The following KDM4C variants were observed in gnomAD, a reference collection of about 807,000 sequenced individuals.
KDM4C encodes lysine demethylase 4C, also known as lysine-specific demethylase 4C.
In KDM4C, 81 loss-of-function variants were observed where a neutral mutation model predicts 129.3. The observed-to-expected ratio is 0.63, with a 90% CI of 0.52 to 0.75. KDM4C has a LOEUF of 0.75. Among genes scored for constraint, KDM4C ranks in the 30% least tolerant of loss-of-function variants. KDM4C has a pLI of 0.00. For missense variants in KDM4C, 1,457 were observed against 1,304.0 expected (o/e 1.12, Z -1.81); for synonymous variants, 573 against 456.1 (o/e 1.26, Z -3.26).
chr9:7,068,634 T>C (rs1832757235), intron 17 of KDM4C, among the ~76,000 whole-genome samples: 1 of 151,900 alleles, frequency 6.6e-6, no homozygotes, highest in South Asian at 2.1e-4. Flanking sequence ...TTTTGGTTTC[T>C]TTGCTGGCTC....
chr9:7,103,557 A>G lies in KDM4C; in HGVS notation c.2425-128A>G. 8 of 724,082 alleles carry G rather than the reference A, an allele frequency of 1.1e-5. 1 individual carries two copies. The South Asian group carries it at 1.5e-4, about 14-fold the overall frequency. 44.9% of individuals were successfully genotyped at this position (724,082 alleles called of 1,614,324 possible). On this transcript the variant is annotated intron_variant, in intron 17 of 21. Coordinates refer to ENST00000381309, the MANE Select transcript of KDM4C (RefSeq NM_015061.6). ...CACCACTAGGGCCCCTGGAGGGGTC[A>G]GGACTTGTTGATGTAATCAGTTGTT...
At chr9:6,868,904 AAC>A (rs1842448353) in intron 5 of KDM4C, among the ~76,000 whole-genome samples, 1 of 152,134 alleles carries the variant, frequency 6.6e-6, no homozygotes, top group African/African-American at 2.4e-5. Flanking sequence ...TAGTGTGTAA[AAC>A]ACTAAATTAT....
chr9:6,892,985 T>G (rs1372698663), intron 7 of KDM4C, 110 bp from the exon 8 acceptor site: 1 of 808,184 alleles, frequency 1.2e-6, no homozygotes, highest in Admixed American at 3.5e-5. Flanking sequence ...GGTAGTGCTC[T>G]GATATCAAGA....
chr9:7,143,104 T>C (rs1327238307), intron 19 of KDM4C, among the ~76,000 whole-genome samples: 3 of 152,200 alleles, frequency 2.0e-5, no homozygotes, highest in Admixed American at 2.0e-4. Context: ...TAAAAGCTAG[T>C]CTCAGCTGTT....
intron 8 of KDM4C, among the ~76,000 whole-genome samples, chr9:6,946,424 A>G (rs1389058658): frequency 6.6e-6 from 1 of 152,132 alleles, no homozygotes; most frequent in Non-Finnish European, 1.5e-5. Context: ...AGAATATGGC[A>G]AGGTGATTCA....
At chr9:6,832,140 C>T (rs1035182916) in intron 4 of KDM4C, among the ~76,000 whole-genome samples, 1 of 151,852 alleles carries the variant, frequency 6.6e-6, no homozygotes, top group Non-Finnish European at 1.5e-5. Flanking sequence ...AGATCGAGAG[C>T]ATCCTGGCTA....
chr9:6,865,067 GAC>G (rs1841688341), intron 5 of KDM4C, among the ~76,000 whole-genome samples: 1 of 142,962 alleles, frequency 7.0e-6, no homozygotes, highest in Non-Finnish European at 1.5e-5. Flanking sequence ...GGAGTGCAGT[GAC>G]GCGATCTCGG....
At chr9:6,835,113 G>A (rs1588594136) in intron 4 of KDM4C, 3 of 1,006,234 alleles carry the variant, frequency 3.0e-6, no homozygotes, top group South Asian at 1.3e-5. Flanking sequence ...ATGTTGCTCT[G>A]GCCTTCGAGC....
At chr9:6,798,792 C>T (rs1828275852) in intron 2 of KDM4C, among the ~76,000 whole-genome samples, 1 of 152,144 alleles carries the variant, frequency 6.6e-6, no homozygotes, top group African/African-American at 2.4e-5. Flanking sequence ...GGCAGAGGGG[C>T]TCCTCACTTC....
chr9:7,008,768 C>G (rs893484922), intron 12 of KDM4C, among the ~76,000 whole-genome samples: 7 of 152,154 alleles, frequency 4.6e-5, no homozygotes, highest in Admixed American at 4.6e-4. Context: ...CCCCATGAAC[C>G]CAGGTACCAG....
At position 6,725,377 on chromosome 9, in the gene KDM4C, A is replaced by G. The variant is rs376546234; in HGVS notation, c.49+4380A>G. ...CCACTCGAGTATCAGAGACTTGCTT[A>G]TAACCTTTATGATATTTTTCTGGAT... is the stretch of plus-strand genomic sequence containing the variant. On this transcript the variant is annotated intron_variant, in intron 1 of 17. Coordinates refer to the KDM4C transcript ENST00000536108. Among the ~76,000 whole-genome samples the G allele has an allele frequency of 8.6e-5, 13 of 152,008 alleles. No homozygotes were observed. The East Asian group carries it at 2.1e-3, about 25-fold the overall frequency.
At chr9:7,050,967 T>A (rs1315783396) in intron 17 of KDM4C, among the ~76,000 whole-genome samples, 1 of 152,204 alleles carries the variant, frequency 6.6e-6, no homozygotes, top group Non-Finnish European at 1.5e-5. Context: ...CATGGAACAT[T>A]TCCTTCCTTA....
At chr9:6,836,955 C>T (rs930989380) in intron 4 of KDM4C, among the ~76,000 whole-genome samples, 11 of 152,188 alleles carry the variant, frequency 7.2e-5, no homozygotes, top group South Asian at 2.1e-4. Flanking sequence ...AAGGTATTTA[C>T]GTAGGAATGG....
At chr9:6,806,355 G>A (rs1021885807) in intron 3 of KDM4C, among the ~76,000 whole-genome samples, 4 of 151,946 alleles carry the variant, frequency 2.6e-5, no homozygotes, top group African/African-American at 9.7e-5. Flanking sequence ...TTAACCATGC[G>A]TGGTGGCACG....
At chr9:7,018,284 A>G (rs1441540658) in intron 15 of KDM4C, among the ~76,000 whole-genome samples, 1 of 152,200 alleles carries the variant, frequency 6.6e-6, no homozygotes, top group Admixed American at 6.5e-5. Flanking sequence ...AAAAGACATA[A>G]CAGCCTTACA....
At chr9:7,075,724 G>A (rs1436272518) in intron 17 of KDM4C, among the ~76,000 whole-genome samples, 2 of 151,944 alleles carry the variant, frequency 1.3e-5, no homozygotes, top group African/African-American at 2.4e-5. Flanking sequence ...TTCTGTTACA[G>A]CAACACTGCT....
intron 17 of KDM4C, among the ~76,000 whole-genome samples, chr9:7,092,460 C>G (rs961848059): frequency 1.3e-5 from 2 of 152,168 alleles, no homozygotes; most frequent in African/African-American, 4.8e-5. Flanking sequence ...CCTCATTTTG[C>G]ATTAATCTGA....
chr9:6,815,584 A>G (rs529950963), intron 4 of KDM4C, among the ~76,000 whole-genome samples: 1 of 152,266 alleles, frequency 6.6e-6, no homozygotes, highest in African/African-American at 2.4e-5. Flanking sequence ...CCTGGATACC[A>G]TTCACTTAGG....
chr9:6,754,785 A>G (rs546876906), upstream of KDM4C, among the ~76,000 whole-genome samples: 3 of 147,290 alleles, frequency 2.0e-5, no homozygotes, highest in South Asian at 6.8e-4. Context: ...CTGAGGTGGG[A>G]GGACTGCATG....
Sources: allele counts gnomAD v4.1 joint callset (sites outside exome capture counted in the v4.1 genomes callset), GRCh38; gene constraint gnomAD v4.1.1; transcripts MANE v1.5; gene names NCBI Gene and HGNC (gene_info 2026-07-23, HGNC 2026-07-21).